Variants in CLEC12A observed in about 807,000 individuals in gnomAD.
CLEC12A encodes the protein C-type lectin protein CLL-1.
CLEC12A carries 22 observed loss-of-function variants against 26.5 expected under a neutral mutation model. The ratio of observed to expected loss-of-function variants is 0.83; its 90% CI spans 0.59 to 1.19. The LOEUF is 1.19. Among genes scored for constraint, CLEC12A ranks in the 50% most tolerant of loss-of-function variants. The pLI, the probability that CLEC12A is intolerant of heterozygous loss-of-function variation, is 0.00. For synonymous variants in CLEC12A, 119 were observed against 101.9 expected, an observed-to-expected ratio of 1.17 and a Z score of -1.01; for missense variants, 353 against 315.6, an observed-to-expected ratio of 1.12 and a Z score of -0.90.
At chr12:9,976,896 A>C (rs1197713558) in intron 1 of CLEC12A, among the ~76,000 whole-genome samples, 1 of 151,958 alleles carries the variant, frequency 6.6e-6, no homozygotes, top group Non-Finnish European at 1.5e-5. Flanking sequence ...TATAAAGGGG[A>C]GTTTCCCTGC....
downstream of CLEC12A, among the ~76,000 whole-genome samples, chr12:9,986,819 AT>A (rs1315123842): frequency 6.6e-6 from 1 of 152,096 alleles, no homozygotes; most frequent in Non-Finnish European, 1.5e-5. Context: ...TCCAAAAAAA[AT>A]TAATTAATTA....
At chr12:9,956,794 G>A (rs1376176083) in intron 1 of CLEC12A, among the ~76,000 whole-genome samples, 4 of 152,164 alleles carry the variant, frequency 2.6e-5, no homozygotes, top group Admixed American at 1.3e-4. Context: ...TGTTTTGGAA[G>A]AAAACTGCAG....
At position 9,979,485 on chromosome 12, in the gene CLEC12A, G is replaced by C; in HGVS notation, c.340G>C (p.Ala114Pro). The change falls in exon 3 of 6, where the codon GCC (alanine) becomes CCC (proline). Residue 114 changes from alanine (A) to proline (P), a missense_variant. Transcript: ENST00000304361. Reference sequence around the variant, plus strand: ...CCTCTCCACCACACTGCAAACAATAGCCACCAAATTATGTCGTGAGCTATA... The same window carrying C: ...CCTCTCCACCACACTGCAAACAATACCCACCAAATTATGTCGTGAGCTATA... ...RNLSTTLQTI[A>P]TKLCRELYSK... 2 of 1,613,190 alleles carry C rather than the reference G, an allele frequency of 1.2e-6. No homozygotes were observed. The highest frequency in any genetic ancestry group is 1.7e-6 in the Non-Finnish European group (2 of 1,179,596).
intron 1 of CLEC12A, among the ~76,000 whole-genome samples, chr12:9,978,288 T>A (rs4763409): frequency 0.28 from 40,933 of 147,612 alleles, 6,268 homozygotes; most frequent in Middle Eastern, 0.34. Context: ...GTTTTTTTTT[T>A]AAATAGAGAA....
intron 5 of CLEC12A, among the ~76,000 whole-genome samples, chr12:9,982,496 A>G (rs1864601465): frequency 1.3e-5 from 2 of 152,154 alleles, no homozygotes; most frequent in African/African-American, 2.4e-5. Context: ...TTACTTAACC[A>G]TCAATTTTAT....
upstream of CLEC12A, among the ~76,000 whole-genome samples, chr12:9,966,515 T>C (rs531357696): frequency 6.6e-6 from 1 of 152,196 alleles, no homozygotes; most frequent in South Asian, 2.1e-4. Context: ...GGTGGCCAGA[T>C]TTCTGGCACT....
At chr12:10,002,702 C>CA in the CLEC12A span, among the ~76,000 whole-genome samples, 2 of 151,968 alleles carry the variant, frequency 1.3e-5, no homozygotes, top group Non-Finnish European at 2.9e-5. Context: ...TCGGCCTCCC[C>CA]AAGTGCTAGG....
chr12:9,996,760 A>C, downstream of CLEC12A: 1 of 1,401,934 alleles, frequency 7.1e-7, no homozygotes, highest in Non-Finnish European at 1.0e-6. Context: ...TGTTAAGAAA[A>C]ATGTAAAAAA....
chr12:9,997,307 T>C (rs777577912), downstream of CLEC12A: 33 of 1,582,740 alleles, frequency 2.1e-5, no homozygotes, highest in East Asian at 5.9e-4. Flanking sequence ...ATAATAATAA[T>C]TTGTAATTAG....
chr12:9,979,665 G>C, intron 3 of CLEC12A, 141 bp downstream of exon 3: 1 of 632,916 alleles, frequency 1.6e-6, no homozygotes, highest in Non-Finnish European at 2.6e-6. Flanking sequence ...GGTTGATGGA[G>C]AATTCATTGA....
At chr12:9,962,705 A>G (rs1013490773) in intron 1 of CLEC12A, among the ~76,000 whole-genome samples, 1 of 151,272 alleles carries the variant, frequency 6.6e-6, no homozygotes, top group Non-Finnish European at 1.5e-5. Context: ...TTATAATGTC[A>G]TCAGTTAAGG....
intron 5 of CLEC12A, 26 bp from the exon 6 acceptor site, chr12:9,984,844 G>T: frequency 7.0e-7 from 1 of 1,420,514 alleles, no homozygotes. Flanking sequence ...GACTTGCCAA[G>T]TGTAATTCTT....
intron 4 of CLEC12A, among the ~76,000 whole-genome samples, chr12:9,993,954 C>A (rs929465227): frequency 6.6e-6 from 1 of 152,010 alleles, no homozygotes; most frequent in Non-Finnish European, 1.5e-5. Flanking sequence ...TAATGTCTTT[C>A]TTGTTGGGGA....
chr12:9,987,177 GA>G (rs1226369546), downstream of CLEC12A, among the ~76,000 whole-genome samples: 1 of 152,206 alleles, frequency 6.6e-6, no homozygotes, highest in East Asian at 1.9e-4. Context: ...AACAGCTCAT[GA>G]AAGCTGTCTA....
At chr12:9,961,269 A>G (rs570360677) in intron 1 of CLEC12A, among the ~76,000 whole-genome samples, 9 of 152,338 alleles carry the variant, frequency 5.9e-5, no homozygotes, top group African/African-American at 2.2e-4. Context: ...CGTGTTCGAC[A>G]CGCACTTCCT....
chr12:9,993,354 G>A (rs538481148), intron 4 of CLEC12A: 275 of 1,137,568 alleles, frequency 2.4e-4, no homozygotes, highest in African/African-American at 2.9e-4. Context: ...CAGACTCTGC[G>A]TATAGTAGTT....
upstream of CLEC12A, among the ~76,000 whole-genome samples, chr12:9,970,660 T>C (rs1365634766): frequency 3.0e-5 from 4 of 135,248 alleles, no homozygotes; most frequent in African/African-American, 1.1e-4. Flanking sequence ...CCACTTTTGA[T>C]AGCTTAGCTG....
chr12:10,000,810 C>T, the CLEC12A span, among the ~76,000 whole-genome samples: 16 of 152,316 alleles, frequency 1.1e-4, no homozygotes, highest in African/African-American at 3.6e-4. Flanking sequence ...TACATCTACT[C>T]ATCAGCAAGT....
intron 1 of CLEC12A, among the ~76,000 whole-genome samples, chr12:9,976,282 C>G (rs563434883): frequency 6.6e-6 from 1 of 152,336 alleles, no homozygotes; most frequent in East Asian, 1.9e-4. Flanking sequence ...CACTCAATAT[C>G]AGCCCATGAA....
Sources: gnomAD v4.1 joint callset for allele counts (sites outside exome capture counted in the v4.1 genomes callset) on GRCh38, gnomAD v4.1.1 for gene constraint, MANE v1.5 for transcripts, NCBI Gene and HGNC (gene_info 2026-07-23, HGNC 2026-07-21) for gene names.